Variants in FSTL4 observed in about 807,000 individuals in gnomAD.
The protein encoded by FSTL4 is follistatin-related protein 4.
In FSTL4, 28 loss-of-function variants were observed where a neutral mutation model predicts 78.2. That is an observed-to-expected ratio of 0.36 (90% CI 0.27 to 0.49). FSTL4 has a LOEUF of 0.49. Ranked by LOEUF, FSTL4 falls within the 20% of genes least tolerant of loss-of-function variation. FSTL4 has a pLI of 0.98. For missense variants in FSTL4, 922 were observed against 1,084.9 expected (o/e 0.85, Z 2.11); for synonymous variants, 422 against 440.5 (o/e 0.96, Z 0.53).
At chr5:133,625,434 A>G in the FSTL4 span, among the ~76,000 whole-genome samples, 3 of 151,268 alleles carry the variant, frequency 2.0e-5, no homozygotes, top group Non-Finnish European at 4.4e-5. Flanking sequence ...TCTTTGTTTG[A>G]TGTCTATAGA....
the FSTL4 span, among the ~76,000 whole-genome samples, chr5:133,739,648 G>A: frequency 0.11 from 16,296 of 152,184 alleles, 1,048 homozygotes; most frequent in Admixed American, 0.23. Flanking sequence ...CTAGGCCCTC[G>A]GAGGAAAAGC....
At chr5:133,703,411 G>A in the FSTL4 span, among the ~76,000 whole-genome samples, 2 of 152,162 alleles carry the variant, frequency 1.3e-5, no homozygotes, top group Admixed American at 6.5e-5. Flanking sequence ...CTATCTCTCT[G>A]TGGACTGTCA....
intron 6 of FSTL4, among the ~76,000 whole-genome samples, chr5:133,293,511 A>C (rs1252907296): frequency 6.6e-6 from 1 of 152,146 alleles, no homozygotes; most frequent in East Asian, 1.9e-4. Context: ...TCCTGTGGAC[A>C]CAGCTGGACT....
intron 3 of FSTL4, among the ~76,000 whole-genome samples, chr5:133,557,439 T>C (rs1217755718): frequency 1.3e-5 from 2 of 152,206 alleles, no homozygotes; most frequent in Admixed American, 1.3e-4. Flanking sequence ...GTGTCCCTTA[T>C]TCAGACCCAA....
chr5:133,223,444 A>G (rs577674413), intron 11 of FSTL4, among the ~76,000 whole-genome samples: 1 of 152,316 alleles, frequency 6.6e-6, no homozygotes, highest in East Asian at 1.9e-4. Flanking sequence ...CATCAATCAC[A>G]TGGTACCTCC....
intron 6 of FSTL4, among the ~76,000 whole-genome samples, chr5:133,278,303 T>TG (rs1752933379): frequency 6.6e-6 from 1 of 152,320 alleles, no homozygotes; most frequent in East Asian, 1.9e-4. Context: ...AGGGGTCTTG[T>TG]GAAGCCCTGT....
chr5:133,827,321 G>A, the FSTL4 span, among the ~76,000 whole-genome samples: 1 of 152,164 alleles, frequency 6.6e-6, no homozygotes, highest in South Asian at 2.1e-4. Context: ...CATGTTCAAG[G>A]ACAGGCCTTC....
chr5:133,759,235 T>C, the FSTL4 span, among the ~76,000 whole-genome samples: 1 of 152,114 alleles, frequency 6.6e-6, no homozygotes, highest in Non-Finnish European at 1.5e-5. Flanking sequence ...TTAATAACCA[T>C]GGAGATGCAA....
chr5:133,491,246 T>C (rs947853699), intron 3 of FSTL4, among the ~76,000 whole-genome samples: 1 of 152,222 alleles, frequency 6.6e-6, no homozygotes, highest in East Asian at 1.9e-4. Context: ...AGGCTTTGCA[T>C]TATGTCTGTT....
intron 3 of FSTL4, among the ~76,000 whole-genome samples, chr5:133,540,675 A>C (rs887852741): frequency 4.3e-5 from 6 of 139,162 alleles, no homozygotes; most frequent in African/African-American, 1.7e-4. Flanking sequence ...TATATTTAAC[A>C]GTTTGTCCTC....
the FSTL4 span, among the ~76,000 whole-genome samples, chr5:133,636,814 T>A: frequency 1.9e-4 from 29 of 152,254 alleles, no homozygotes; most frequent in Non-Finnish European, 3.1e-4. Context: ...AAATCAAACA[T>A]GAAAAAACAG....
the FSTL4 span, among the ~76,000 whole-genome samples, chr5:133,812,218 G>C: frequency 6.6e-6 from 1 of 152,100 alleles, no homozygotes; most frequent in Non-Finnish European, 1.5e-5. Flanking sequence ...ACCATGTCTT[G>C]CCTGGGAGGA....
At chr5:133,609,177 C>T (rs1181324080) in intron 1 of FSTL4, among the ~76,000 whole-genome samples, 7 of 152,148 alleles carry the variant, frequency 4.6e-5, no homozygotes, top group Non-Finnish European at 8.8e-5. Context: ...GATGATTTGG[C>T]AGAACCAAGC....
At chr5:133,340,466 G>A (rs942323088) in intron 4 of FSTL4, among the ~76,000 whole-genome samples, 10 of 152,112 alleles carry the variant, frequency 6.6e-5, no homozygotes, top group African/African-American at 2.2e-4. Context: ...CTCATAAGGT[G>A]ACTGTAATGG....
At chr5:133,306,745 T>C (rs180738286) in intron 6 of FSTL4, among the ~76,000 whole-genome samples, 2 of 152,322 alleles carry the variant, frequency 1.3e-5, no homozygotes, top group Non-Finnish European at 2.9e-5. Context: ...ATGTCCTTCA[T>C]GCCCTCAATG....
the FSTL4 span, among the ~76,000 whole-genome samples, chr5:133,638,014 T>C: frequency 6.6e-6 from 1 of 151,998 alleles, no homozygotes; most frequent in East Asian, 1.9e-4. Context: ...ATTTCTGATC[T>C]TACTCTCTGC....
intron 6 of FSTL4, among the ~76,000 whole-genome samples, chr5:133,299,787 G>T (rs367714188): frequency 7.9e-5 from 12 of 152,234 alleles, no homozygotes; most frequent in African/African-American, 2.9e-4. Context: ...GGGGAGATAG[G>T]TGCTCTGTGA....
chr5:133,685,284 C>T, the FSTL4 span, among the ~76,000 whole-genome samples: 2 of 152,166 alleles, frequency 1.3e-5, no homozygotes, highest in Non-Finnish European at 2.9e-5. Flanking sequence ...ACAAACCCTT[C>T]CCCATTCGAT....
chr5:133,814,855 G>C, the FSTL4 span, among the ~76,000 whole-genome samples: 1 of 152,186 alleles, frequency 6.6e-6, no homozygotes, highest in Non-Finnish European at 1.5e-5. Flanking sequence ...TGTAGTAAGG[G>C]AAGTTCTAAA....
Sources: allele counts gnomAD v4.1 joint callset (sites outside exome capture counted in the v4.1 genomes callset), GRCh38; gene constraint gnomAD v4.1.1; transcripts MANE v1.5; gene names NCBI Gene and HGNC (gene_info 2026-07-23, HGNC 2026-07-21).